Variants in SLC24A4 observed in about 807,000 individuals in gnomAD.
SLC24A4 encodes the protein solute carrier family 24 member 4.
SLC24A4 carries 53 observed loss-of-function variants against 79.0 expected under a neutral mutation model. The observed-to-expected ratio is 0.67, with a 90% CI of 0.54 to 0.84. The LOEUF (loss-of-function observed/expected upper bound fraction) is 0.84, where lower values mean the gene tolerates loss of function less well. Ranked by LOEUF, SLC24A4 falls within the 40% of genes least tolerant of loss-of-function variation. The probability of loss-of-function intolerance (pLI) is 0.00; values close to 1 mark genes in which losing one functional copy is unlikely to be tolerated. For synonymous variants in SLC24A4, 323 were observed against 323.8 expected, an observed-to-expected ratio of 1.00 and a Z score of 0.03; for missense variants, 731 against 822.0, an observed-to-expected ratio of 0.89 and a Z score of 1.35.
At chr14:92,457,655 C>A in intron 12 of SLC24A4, 1 of 152,720 alleles carries the variant, frequency 6.5e-6, no homozygotes. Context: ...TCGTCTTTAA[C>A]TAAGCCTTCC....
chr14:92,493,637 C>A lies in SLC24A4; in HGVS notation c.*9C>A. ...GCCGGGAAGACGATTAGCGCTGAGT[C>A]GCGGCCCCTGGGAGCTGATCTGGAC... On this transcript the variant is annotated 3_prime_UTR_variant, in exon 17 of 17. Transcript: ENST00000532405. 1 of 1,613,744 alleles carries A rather than the reference C, an allele frequency of 6.2e-7. No individual in the cohort carries two copies. Among genetic ancestry groups the A allele is most frequent in the South Asian group, 1.1e-5 (1 of 91,000 alleles).
rs149544741 is a variant in SLC24A4 at position 92,449,096 on chromosome 14, T to C, written c.760T>C (p.Phe254Leu). The change falls in exon 10 of 17, where the codon TTT becomes CTT. Residue 254 changes from phenylalanine (F) to leucine (L), a missense_variant. By Grantham distance (22) the Phe-to-Leu change is conservative. Coordinates refer to ENST00000532405, the MANE Select transcript of SLC24A4 (RefSeq NM_153646.4). ...CAGGTACAATGTGAAGATGCAAGCCTTTTTCACAGTCAAACAAAAGAGCAT... is the reference window on the plus strand; with the variant it reads ...CAGGTACAATGTGAAGATGCAAGCCCTTTTCACAGTCAAACAAAAGAGCAT... ...IMKYNVKMQA[F>L]FTVKQKSIAN... is the part of the protein sequence containing the mutation. The C allele has an allele frequency of 1.4e-4, 218 of 1,614,044 alleles. 1 individual carries two copies. Among genetic ancestry groups the C allele is most frequent in the Admixed American group, 1.0e-4 (6 of 60,014 alleles).
intron 12 of SLC24A4, among the ~76,000 whole-genome samples, chr14:92,477,784 CTTTT>C (rs34635349): frequency 1.8e-4 from 22 of 124,790 alleles, no homozygotes; most frequent in Admixed American, 3.3e-4. Context: ...TTTCTTTTCT[CTTTT>C]TTTTTTTTTT....
At chr14:92,381,378 C>T (rs1888837280) in intron 2 of SLC24A4, among the ~76,000 whole-genome samples, 1 of 152,024 alleles carries the variant, frequency 6.6e-6, no homozygotes, top group South Asian at 2.1e-4. Context: ...GGGAGCTGAA[C>T]AATGAGAACA....
intron 12 of SLC24A4, chr14:92,462,277 G>A (rs755901293): frequency 6.6e-6 from 1 of 152,258 alleles, no homozygotes; most frequent in Non-Finnish European, 1.5e-5. Flanking sequence ...GTGAAGAAAC[G>A]ATGGGATAAG....
chr14:92,360,727 G>A (rs1055641611), intron 2 of SLC24A4, among the ~76,000 whole-genome samples: 2 of 152,154 alleles, frequency 1.3e-5, no homozygotes, highest in African/African-American at 2.4e-5. Flanking sequence ...GCTTAATGAC[G>A]CATTGCACAT....
At chr14:92,483,261 G>A (rs1895162025) in intron 13 of SLC24A4, among the ~76,000 whole-genome samples, 2 of 152,118 alleles carry the variant, frequency 1.3e-5, no homozygotes, top group Admixed American at 6.5e-5. Flanking sequence ...CTCCTGCCCA[G>A]GAATGCTCCT....
At chr14:92,489,844 C>A (rs1298982777) in intron 14 of SLC24A4, among the ~76,000 whole-genome samples, 1 of 152,194 alleles carries the variant, frequency 6.6e-6, no homozygotes, top group Non-Finnish European at 1.5e-5. Flanking sequence ...TCCTACCCTC[C>A]TGACCTGCCG....
chr14:92,355,735 G>T (rs1443675132), intron 2 of SLC24A4, among the ~76,000 whole-genome samples: 1 of 152,198 alleles, frequency 6.6e-6, no homozygotes, highest in African/African-American at 2.4e-5. Flanking sequence ...GGATCTGCCT[G>T]CATTCTGTAG....
chr14:92,415,307 G>A (rs12435024), intron 2 of SLC24A4, among the ~76,000 whole-genome samples: 62,149 of 152,066 alleles, frequency 0.41, 13,023 homozygotes, highest in Non-Finnish European at 0.44. Flanking sequence ...GCTTCTCCAC[G>A]GTGGGTGGTC....
intron 2 of SLC24A4, among the ~76,000 whole-genome samples, chr14:92,404,496 G>C (rs2141771770): frequency 6.6e-6 from 1 of 152,278 alleles, no homozygotes; most frequent in East Asian, 1.9e-4. Context: ...ACACTGGCAG[G>C]AGATGTAGAC....
At chr14:92,420,837 G>C (rs989246304) in intron 2 of SLC24A4, among the ~76,000 whole-genome samples, 1 of 152,244 alleles carries the variant, frequency 6.6e-6, no homozygotes, top group Non-Finnish European at 1.5e-5. Flanking sequence ...GCCTGTCCCT[G>C]AGTAAATTGG....
At chr14:92,435,328 AT>A (rs961274602) in intron 3 of SLC24A4, among the ~76,000 whole-genome samples, 12 of 152,330 alleles carry the variant, frequency 7.9e-5, no homozygotes, top group Admixed American at 7.2e-4. Context: ...CTCAATGCCT[AT>A]TTTTGTAAAT....
At chr14:92,436,535 T>C (rs1892179325) in intron 3 of SLC24A4, among the ~76,000 whole-genome samples, 1 of 152,270 alleles carries the variant, frequency 6.6e-6, no homozygotes, top group African/African-American at 2.4e-5. Context: ...AGTGACTATT[T>C]GGCCAGCAAA....
chr14:92,449,314 A>C (rs1032925410), intron 10 of SLC24A4, 98 bp downstream of exon 10: 10 of 936,766 alleles, frequency 1.1e-5, no homozygotes, highest in East Asian at 6.1e-5. Flanking sequence ...ACACACACAC[A>C]CACACACACC....
intron 2 of SLC24A4, among the ~76,000 whole-genome samples, chr14:92,354,204 T>G (rs1317795511): frequency 1.3e-5 from 2 of 151,800 alleles, no homozygotes. Context: ...TCTCACTCTG[T>G]CGCCCAGGCT....
chr14:92,396,173 TC>T (rs1376289628), intron 2 of SLC24A4, among the ~76,000 whole-genome samples: 2 of 152,186 alleles, frequency 1.3e-5, no homozygotes, highest in Non-Finnish European at 2.9e-5. Context: ...TATAAGCAAA[TC>T]ACGAATAGTT....
intron 2 of SLC24A4, among the ~76,000 whole-genome samples, chr14:92,356,951 G>A (rs1194766431): frequency 1.3e-5 from 2 of 152,234 alleles, no homozygotes; most frequent in Non-Finnish European, 2.9e-5. Context: ...TCTCAGTATA[G>A]CAGATTTCTC....
At position 92,442,117 on chromosome 14, in the gene SLC24A4, G is replaced by C. The variant is rs760472855; in HGVS notation, c.422G>C (p.Gly141Ala). The stretch of plus-strand genomic sequence containing the variant: ...CTCCATCTGAGCGAAGATGTGGCTG[G>C]AGCCACCTTCATGGCTGCAGGAAGC... ...ERLHLSEDVA[G>A]ATFMAAGSST... Residue 141 changes from glycine (G) to alanine (A), a missense_variant, in exon 5 of 17, where the codon GGA becomes GCA. Physicochemically the swap from Gly to Ala is moderately conservative, Grantham distance 60. Transcript: ENST00000532405. The C allele has an allele frequency of 7.4e-6, 12 of 1,613,864 alleles. No individual in the cohort carries two copies. In the South Asian group the frequency reaches 1.3e-4, roughly 18 times the overall value.
Sources: allele counts gnomAD v4.1 joint callset (sites outside exome capture counted in the v4.1 genomes callset), GRCh38; gene constraint gnomAD v4.1.1; transcripts MANE v1.5; gene names NCBI Gene and HGNC (gene_info 2026-07-23, HGNC 2026-07-21).